FHIT: variants seen among roughly 807,000 people sequenced by gnomAD.
FHIT encodes fragile histidine triad diadenosine triphosphatase, also known as bis(5'-adenosyl)-triphosphatase.
In FHIT, 19 loss-of-function variants were observed where a neutral mutation model predicts 17.9. The ratio of observed to expected loss-of-function variants is 1.06; its 90% CI spans 0.74 to 1.56. The LOEUF is 1.56. FHIT is among the 40% of genes most tolerant of loss of function. The probability of loss-of-function intolerance (pLI) is 0.00; values close to 1 mark genes in which losing one functional copy is unlikely to be tolerated. For synonymous variants in FHIT, 81 were observed against 69.7 expected (o/e 1.16, Z -0.81); for missense variants, 248 against 189.2 (o/e 1.31, Z -1.82).
At chr3:61,059,372 C>CT (rs201797361) in intron 2 of FHIT, among the ~76,000 whole-genome samples, 8,775 of 113,012 alleles carry the variant, frequency 0.078, 114 homozygotes, top group East Asian at 0.093. Context: ...TTGCTTTTTC[C>CT]TTTTTTTTTT....
At chr3:59,949,727 C>T (rs1707018396) in intron 7 of FHIT, among the ~76,000 whole-genome samples, 2 of 152,188 alleles carry the variant, frequency 1.3e-5, no homozygotes, top group South Asian at 2.1e-4. Flanking sequence ...AGAACACATA[C>T]ATTTCAGAAC....
intron 4 of FHIT, among the ~76,000 whole-genome samples, chr3:60,638,380 A>G (rs1433796379): frequency 3.9e-5 from 6 of 152,238 alleles, no homozygotes; most frequent in Non-Finnish European, 7.3e-5. Flanking sequence ...TTAAAGCTTA[A>G]TTGGAAACTT....
chr3:60,525,752 T>C (rs2035548998), intron 5 of FHIT, among the ~76,000 whole-genome samples: 1 of 152,174 alleles, frequency 6.6e-6, no homozygotes, highest in African/African-American at 2.4e-5. Context: ...TCCCCCATAG[T>C]GAGGCTAAGC....
chr3:61,028,901 G>GAA (rs11344435), intron 3 of FHIT, among the ~76,000 whole-genome samples: 14 of 138,226 alleles, frequency 1.0e-4, no homozygotes, highest in African/African-American at 3.5e-4. Context: ...AAAAAAAAAA[G>GAA]AAAAAAAAAA....
At chr3:60,051,097 G>A (rs1229977661) in intron 5 of FHIT, among the ~76,000 whole-genome samples, 3 of 152,144 alleles carry the variant, frequency 2.0e-5, no homozygotes, top group African/African-American at 7.2e-5. Flanking sequence ...TAAGGAAGTA[G>A]GGAGCTTCTG....
chr3:60,164,609 C>CAA (rs5849338), intron 5 of FHIT, among the ~76,000 whole-genome samples: 79 of 144,404 alleles, frequency 5.5e-4, no homozygotes, highest in African/African-American at 1.1e-3. Context: ...AGTAATTGGT[C>CAA]AAAAAAAAAA....
At chr3:60,167,869 G>A (rs1471863495) in intron 5 of FHIT, among the ~76,000 whole-genome samples, 3 of 151,970 alleles carry the variant, frequency 2.0e-5, no homozygotes, top group Admixed American at 6.6e-5. Context: ...CACCTCTACA[G>A]ACAAAAAGCA....
intron 5 of FHIT, among the ~76,000 whole-genome samples, chr3:60,338,094 G>T (rs960948517): frequency 2.6e-5 from 4 of 152,084 alleles, no homozygotes; most frequent in African/African-American, 9.7e-5. Flanking sequence ...GATGCAGCAG[G>T]GGACAGGATG....
At chr3:60,114,290 T>C (rs1704845911) in intron 5 of FHIT, among the ~76,000 whole-genome samples, 1 of 150,220 alleles carries the variant, frequency 6.7e-6, no homozygotes, top group South Asian at 2.1e-4. Flanking sequence ...GCGACTAGAA[T>C]TTAAAAATCT....
chr3:60,275,784 T>C (rs1707100797), intron 5 of FHIT, among the ~76,000 whole-genome samples: 1 of 152,208 alleles, frequency 6.6e-6, no homozygotes, highest in Non-Finnish European at 1.5e-5. Context: ...TAAACTGATA[T>C]TCTATCTTCT....
At position 60,321,087 on chromosome 3, in the gene FHIT, G is replaced by C. The variant is rs139794090; in HGVS notation, c.103+215773C>G. Among the ~76,000 whole-genome samples the C allele has an allele frequency of 3.7e-3, 568 of 152,250 alleles. 4 individuals are homozygous for C. Among genetic ancestry groups the C allele is most frequent in the African/African-American group, 0.013 (544 of 41,550 alleles). On this transcript the variant is annotated intron_variant, in intron 5 of 9. Transcript: ENST00000492590. ...GAAAACATGCTTGTTTCTCTCCTTT[G>C]TGGAGGCTCAGGGACTCCCCAACTC...
chr3:60,121,703 A>AAAC (rs1553690207), intron 5 of FHIT, among the ~76,000 whole-genome samples: 11,606 of 73,544 alleles, frequency 0.16, 510 homozygotes, highest in South Asian at 0.26. Flanking sequence ...ACAAACAAAC[A>AAAC]AAACAAACAC....
intron 4 of FHIT, among the ~76,000 whole-genome samples, chr3:60,582,270 G>A (rs958354345): frequency 3.9e-5 from 6 of 152,024 alleles, no homozygotes; most frequent in African/African-American, 1.4e-4. Flanking sequence ...TGTCCCATGT[G>A]GGGGGCGACT....
At chr3:60,796,654 C>G (rs1700990435) in intron 4 of FHIT, among the ~76,000 whole-genome samples, 1 of 152,176 alleles carries the variant, frequency 6.6e-6, no homozygotes, top group African/African-American at 2.4e-5. Context: ...ACAAGCTTGG[C>G]TCACTGCAAC....
intron 2 of FHIT, among the ~76,000 whole-genome samples, chr3:61,139,220 G>A (rs979230555): frequency 2.0e-5 from 3 of 151,896 alleles, no homozygotes; most frequent in East Asian, 1.9e-4. Flanking sequence ...TAGTAGAGAC[G>A]GGATTTCACT....
chr3:60,499,309 CA>C (rs2034426535), intron 5 of FHIT, among the ~76,000 whole-genome samples: 1 of 152,178 alleles, frequency 6.6e-6, no homozygotes, highest in African/African-American at 2.4e-5. Context: ...TATTGCTGCA[CA>C]AAAATGAAGT....
At chr3:59,948,263 G>A (rs551045064) in intron 7 of FHIT, among the ~76,000 whole-genome samples, 1 of 151,570 alleles carries the variant, frequency 6.6e-6, no homozygotes, top group African/African-American at 2.4e-5. Context: ...CCAGCACTTT[G>A]GGAGGCCAAC....
Position 60,918,398 on chromosome 3 carries a change from G to C in FHIT, c.-110-96387C>G, listed in dbSNP as rs151036078. The stretch of plus-strand genomic sequence containing the variant: ...AGAAATTCCAGAAACATAGGTCCCA[G>C]TGTCTATCTGTTATATAGTTTAGAG... On this transcript the variant is annotated intron_variant, in intron 3 of 9. Coordinates refer to ENST00000492590, the MANE Select transcript of FHIT (RefSeq NM_002012.4). Among the ~76,000 whole-genome samples, 266 of 152,298 alleles carry C rather than the reference G, an allele frequency of 1.7e-3. 1 individual carries two copies. Among genetic ancestry groups the C allele is most frequent in the African/African-American group, 6.1e-3 (252 of 41,554 alleles).
chr3:60,978,343 G>A (rs1017109611), intron 3 of FHIT, among the ~76,000 whole-genome samples: 22 of 152,168 alleles, frequency 1.4e-4, no homozygotes, highest in Non-Finnish European at 2.6e-4. Flanking sequence ...TTAAAATGCC[G>A]TTTCCGATTA....
Sources: gnomAD v4.1 joint callset for allele counts (sites outside exome capture counted in the v4.1 genomes callset) on GRCh38, gnomAD v4.1.1 for gene constraint, MANE v1.5 for transcripts, NCBI Gene and HGNC (gene_info 2026-07-23, HGNC 2026-07-21) for gene names.